PKIA: variants seen among roughly 807,000 people sequenced by gnomAD.
The protein encoded by PKIA is PKI-alpha.
PKIA carries 4 observed loss-of-function variants against 7.6 expected under a neutral mutation model. That is an observed-to-expected ratio of 0.52 (90% CI 0.26 to 1.20). The LOEUF (loss-of-function observed/expected upper bound fraction) is 1.20, where lower values mean the gene tolerates loss of function less well. Ranked by LOEUF, PKIA falls within the 50% of genes most tolerant of loss-of-function variation. PKIA has a pLI of 0.13. For synonymous variants in PKIA, 21 were observed against 30.7 expected (o/e 0.68, Z 1.04); for missense variants, 73 against 86.2 (o/e 0.85, Z 0.61).
chr8:78,522,979 TG>T (rs1809445700), intron 1 of PKIA, among the ~76,000 whole-genome samples: 1 of 151,934 alleles, frequency 6.6e-6, no homozygotes. Flanking sequence ...ATTTGGCGTA[TG>T]TGAAGTATAA....
intron 1 of PKIA, among the ~76,000 whole-genome samples, chr8:78,530,057 A>G (rs900148357): frequency 6.6e-6 from 1 of 152,022 alleles, no homozygotes; most frequent in Non-Finnish European, 1.5e-5. Flanking sequence ...AATATTAAAT[A>G]TAGTAGAAGA....
intron 1 of PKIA, among the ~76,000 whole-genome samples, chr8:78,547,668 A>G (rs1055119091): frequency 6.6e-6 from 1 of 152,164 alleles, no homozygotes; most frequent in African/African-American, 2.4e-5. Flanking sequence ...TTTAATTAGG[A>G]AAGTGGTGAC....
Position 78,559,166 on chromosome 8 carries a change from C to A in PKIA, c.-156-13645C>A, listed in dbSNP as rs1204135731. 5.9e-5 allele frequency among the ~76,000 whole-genome samples: 9 copies of A among 152,328 alleles called. 1 individual carries two copies. The highest frequency in any genetic ancestry group is 5.9e-4 in the Admixed American group (9 of 15,298). ...CAAACTCCTGACCTCAGGTGATCCA[C>A]CCGCCTCGGCCTCCCAAAGTGCTAG... On this transcript the variant is annotated intron_variant, in intron 1 of 3. Transcript: ENST00000396418.
intron 1 of PKIA, among the ~76,000 whole-genome samples, chr8:78,566,575 A>G (rs2118536942): frequency 6.6e-6 from 1 of 152,138 alleles, no homozygotes; most frequent in African/African-American, 2.4e-5. Context: ...CTCCAATTCA[A>G]ATTGATGAGC....
At chr8:78,523,267 C>T (rs555632090) in intron 1 of PKIA, among the ~76,000 whole-genome samples, 209 of 151,926 alleles carry the variant, frequency 1.4e-3, no homozygotes, top group African/African-American at 4.4e-3. Flanking sequence ...TTAAAGTATG[C>T]TTTTTCTTCA....
At chr8:78,583,223 C>T (rs944459290) in intron 2 of PKIA, among the ~76,000 whole-genome samples, 6 of 152,088 alleles carry the variant, frequency 3.9e-5, no homozygotes, top group African/African-American at 1.2e-4. Flanking sequence ...ATTTTTAGAC[C>T]TTGAAAAGTT....
intron 1 of PKIA, among the ~76,000 whole-genome samples, chr8:78,553,607 C>T (rs919779900): frequency 6.6e-6 from 1 of 151,926 alleles, no homozygotes; most frequent in African/African-American, 2.4e-5. Flanking sequence ...TTCTTTTTGG[C>T]TTTCCTTTAT....
intron 1 of PKIA, among the ~76,000 whole-genome samples, chr8:78,527,683 G>T (rs532766737): frequency 6.6e-6 from 1 of 151,990 alleles, no homozygotes; most frequent in African/African-American, 2.4e-5. Context: ...ATATTTATCT[G>T]TTTAAGCTTT....
intron 1 of PKIA, among the ~76,000 whole-genome samples, chr8:78,538,594 A>G (rs374245647): frequency 4.6e-5 from 7 of 152,008 alleles, no homozygotes; most frequent in African/African-American, 1.4e-4. Flanking sequence ...TGTCAGGTAT[A>G]CGGTAGTAGA....
chr8:78,595,372 G>A (rs540988304), intron 2 of PKIA, among the ~76,000 whole-genome samples: 99 of 152,184 alleles, frequency 6.5e-4, no homozygotes, highest in African/African-American at 1.8e-3. Flanking sequence ...TGTGACGAGG[G>A]GAGAGAATTT....
chr8:78,519,825 C>A (rs1809383034), intron 1 of PKIA, among the ~76,000 whole-genome samples: 1 of 152,158 alleles, frequency 6.6e-6, no homozygotes, highest in Non-Finnish European at 1.5e-5. Flanking sequence ...TGGTGGCATG[C>A]CTATGTGTTT....
chr8:78,526,649 C>T (rs1354949478), intron 1 of PKIA, among the ~76,000 whole-genome samples: 1 of 151,824 alleles, frequency 6.6e-6, no homozygotes, highest in Non-Finnish European at 1.5e-5. Flanking sequence ...GTCTGTGATA[C>T]ATTTCTATTT....
At chr8:78,528,793 C>A (rs1806314704) in intron 1 of PKIA, among the ~76,000 whole-genome samples, 1 of 150,932 alleles carries the variant, frequency 6.6e-6, no homozygotes, top group Admixed American at 6.6e-5. Flanking sequence ...AGCGAGACCT[C>A]GTCTATAAAA....
rs58547049 is a variant in PKIA at position 78,536,859 on chromosome 8, T to TACACACACACAC, written c.-157+20430_-157+20441dup. Among the ~76,000 whole-genome samples, 50 of 136,130 alleles carry TACACACACACAC rather than the reference T, an allele frequency of 3.7e-4. 2 individuals carry two copies. The highest frequency in any genetic ancestry group is 5.1e-4 in the South Asian group (2 of 3,954). The allele number at this position is 136,130 out of a possible 152,430, so 89.3% of individuals were successfully genotyped here. The stretch of plus-strand genomic sequence containing the variant: ...AACTTATCTGGGTAGCTAGAAAACA[T>TACACACACACAC]ACACACACACACACACACACACACA... On this transcript the variant is annotated intron_variant, in intron 1 of 3. Coordinates refer to ENST00000396418, the MANE Select transcript of PKIA (RefSeq NM_006823.4).
chr8:78,580,953 CATGT>C (rs148807904), intron 2 of PKIA, among the ~76,000 whole-genome samples: 2 of 151,878 alleles, frequency 1.3e-5, no homozygotes, highest in Admixed American at 6.6e-5. Context: ...CGTGTTTTCA[CATGT>C]ATGTATGTAT....
chr8:78,594,984 T>A (rs1487073768), intron 2 of PKIA, among the ~76,000 whole-genome samples: 1 of 151,376 alleles, frequency 6.6e-6, no homozygotes, highest in Non-Finnish European at 1.5e-5. Context: ...TAAGGAAGAG[T>A]CAACTAGAGG....
At chr8:78,572,271 A>G (rs1435830411) in intron 1 of PKIA, among the ~76,000 whole-genome samples, 1 of 151,888 alleles carries the variant, frequency 6.6e-6, no homozygotes, top group Non-Finnish European at 1.5e-5. Flanking sequence ...ACACACACAC[A>G]AACATTTTGT....
Position 78,596,519 on chromosome 8 carries a change from G to A in PKIA, c.-27-1839G>A, listed in dbSNP as rs116830450. Among the ~76,000 whole-genome samples the A allele has an allele frequency of 4.6e-5, 7 of 152,274 alleles. No homozygotes were observed. The East Asian group carries it at 1.2e-3, about 25-fold the overall frequency. On this transcript the variant is annotated intron_variant, in intron 2 of 3. Transcript: ENST00000396418. ...CTCCCAGAGTGCTGGGATTACAGGC[G>A]TGAGCCACCGCTTGTTGATTTAAGC...
At chr8:78,570,897 T>A (rs745508521) in intron 1 of PKIA, among the ~76,000 whole-genome samples, 1 of 152,176 alleles carries the variant, frequency 6.6e-6, no homozygotes, top group Non-Finnish European at 1.5e-5. Flanking sequence ...TTGCCTTCTA[T>A]AGGAAGACCT....
Sources: gnomAD v4.1 joint callset for allele counts (sites outside exome capture counted in the v4.1 genomes callset) on GRCh38, gnomAD v4.1.1 for gene constraint, MANE v1.5 for transcripts, NCBI Gene and HGNC (gene_info 2026-07-23, HGNC 2026-07-21) for gene names.